The following RBP7 variants were observed in gnomAD, a reference collection of about 807,000 sequenced individuals.
RBP7 encodes retinol binding protein 7, also known as retinoid-binding protein 7.
Under a neutral mutation model 16.7 loss-of-function variants are expected in RBP7, and 13 were observed. The observed-to-expected ratio is 0.78, with a 90% confidence interval of 0.51 to 1.24. The LOEUF (loss-of-function observed/expected upper bound fraction) is 1.24, where lower values mean the gene tolerates loss of function less well. Among genes scored for constraint, RBP7 ranks in the 50% most tolerant of loss-of-function variants. The pLI is 0.00. For synonymous variants in RBP7, 54 were observed against 56.2 expected (o/e 0.96, Z 0.17); for missense variants, 145 against 159.5 (o/e 0.91, Z 0.49).
intron 3 of RBP7, among the ~76,000 whole-genome samples, chr1:10,010,150 C>A (rs1208299647): frequency 6.6e-6 from 1 of 151,986 alleles, no homozygotes; most frequent in Non-Finnish European, 1.5e-5. Flanking sequence ...GAGTCTTGCT[C>A]TGTTGCCCAG....
At chr1:10,002,338 C>T (rs1642300801) in intron 1 of RBP7, among the ~76,000 whole-genome samples, 1 of 151,682 alleles carries the variant, frequency 6.6e-6, no homozygotes. Flanking sequence ...ACTCGAATGT[C>T]TTATTTTCTA....
chr1:10,010,101 A>G (rs929857934), intron 3 of RBP7, among the ~76,000 whole-genome samples: 2 of 151,824 alleles, frequency 1.3e-5, no homozygotes, highest in South Asian at 2.1e-4. Context: ...GACAACTATT[A>G]TTTTACAGCC....
intron 1 of RBP7, among the ~76,000 whole-genome samples, chr1:10,000,483 CA>C (rs1347165588): frequency 6.6e-6 from 1 of 151,124 alleles, no homozygotes; most frequent in African/African-American, 2.4e-5. Flanking sequence ...GCAGTGAGCC[CA>C]GATCACGACA....
intron 3 of RBP7, 68 bp from the exon 4 acceptor site, chr1:10,015,714 A>C: frequency 7.8e-7 from 1 of 1,284,242 alleles, no homozygotes; most frequent in Non-Finnish European, 1.1e-6. Context: ...ATAAAAAATA[A>C]GTGTTGAGAG....
chr1:10,008,146 C>G, intron 2 of RBP7, 27 bp from the exon 3 acceptor site: 3 of 1,441,534 alleles, frequency 2.1e-6, no homozygotes, highest in Non-Finnish European at 2.9e-6. Flanking sequence ...CCAGGACAAG[C>G]TAACATTTTC....
At chr1:10,003,465 C>A (rs889647133) in intron 1 of RBP7, among the ~76,000 whole-genome samples, 1 of 152,060 alleles carries the variant, frequency 6.6e-6, no homozygotes, top group Non-Finnish European at 1.5e-5. Flanking sequence ...AACAAAAAAA[C>A]CACCCCTTAC....
At chr1:10,013,198 A>T (rs1642674778) in intron 3 of RBP7, among the ~76,000 whole-genome samples, 1 of 150,394 alleles carries the variant, frequency 6.6e-6, no homozygotes, top group Non-Finnish European at 1.5e-5. Flanking sequence ...TCAGCCTCCC[A>T]AGTAGCTGGG....
intron 3 of RBP7, among the ~76,000 whole-genome samples, chr1:10,015,425 G>T (rs1048799856): frequency 2.7e-5 from 4 of 149,864 alleles, no homozygotes; most frequent in Non-Finnish European, 4.4e-5. Context: ...CTCCAGCCTG[G>T]GCTACAGAGT....
chr1:10,012,827 G>A (rs1199026006), intron 3 of RBP7, among the ~76,000 whole-genome samples: 12 of 149,560 alleles, frequency 8.0e-5, no homozygotes, highest in Non-Finnish European at 1.3e-4. Flanking sequence ...CCAGCTACTC[G>A]GGAGGCTGAG....
Position 10,013,758 on chromosome 1 carries a change from C to T in RBP7, c.355-2024C>T, listed in dbSNP as rs374664794. ...CCAGGAGGTGGAGGTTGCAGTGAGC[C>T]GAGATCGCGCCATTGCACTCCAGCC... On this transcript the variant is annotated intron_variant, in intron 3 of 3. Transcript: ENST00000294435. 3.4e-4 allele frequency among the ~76,000 whole-genome samples: 52 copies of T among 151,898 alleles called. 1 individual carries two copies. Among genetic ancestry groups the T allele is most frequent in the Middle Eastern group, 3.4e-3 (1 of 294 alleles).
chr1:10,010,678 G>A (rs1229992030), intron 3 of RBP7, among the ~76,000 whole-genome samples: 4 of 150,180 alleles, frequency 2.7e-5, no homozygotes, highest in African/African-American at 7.4e-5. Context: ...TCCACCTCCC[G>A]GGTTCAACGA....
At chr1:10,012,381 C>T in intron 3 of RBP7, among the ~76,000 whole-genome samples, 1 of 138,402 alleles carries the variant, frequency 7.2e-6, no homozygotes, top group South Asian at 2.2e-4. Flanking sequence ...ACTCTGTCTC[C>T]AAAAAAAAAA....
intron 3 of RBP7, among the ~76,000 whole-genome samples, chr1:10,012,723 C>A (rs1163748462): frequency 6.6e-6 from 1 of 151,718 alleles, no homozygotes; most frequent in Non-Finnish European, 1.5e-5. Context: ...CACCTGAGGT[C>A]AGGAGTTCGA....
chr1:9,999,999 G>A (rs777557816), intron 1 of RBP7, among the ~76,000 whole-genome samples: 10 of 151,942 alleles, frequency 6.6e-5, no homozygotes, highest in Non-Finnish European at 8.8e-5. Flanking sequence ...GGATGCTGAG[G>A]CAGGTGGATC....
chr1:10,015,701 A>G, intron 3 of RBP7, 81 bp from the exon 4 acceptor site: 1 of 1,227,264 alleles, frequency 8.1e-7, no homozygotes, highest in South Asian at 1.2e-5. Context: ...GGGTTAAAAC[A>G]CAATAAAAAA....
chr1:10,007,051 A>G (rs1570732554), intron 1 of RBP7: 1 of 375,540 alleles, frequency 2.7e-6, no homozygotes, highest in Non-Finnish European at 5.2e-6. Flanking sequence ...GGTTCAAGCA[A>G]TTCTCCTACT....
At chr1:10,012,543 G>C (rs1642654231) in intron 3 of RBP7, among the ~76,000 whole-genome samples, 1 of 151,788 alleles carries the variant, frequency 6.6e-6, no homozygotes, top group Non-Finnish European at 1.5e-5. Flanking sequence ...TGTAGTTCCA[G>C]TTACTGGATA....
At chr1:10,008,367 T>A in intron 3 of RBP7, 93 bp downstream of exon 3, 1 of 763,702 alleles carries the variant, frequency 1.3e-6, no homozygotes, top group Non-Finnish European at 2.2e-6. Context: ...TCCCAGCATT[T>A]TAGGAGGCCG....
intron 3 of RBP7, among the ~76,000 whole-genome samples, chr1:10,015,566 AG>A (rs1642751916): frequency 6.6e-6 from 1 of 151,826 alleles, no homozygotes; most frequent in South Asian, 2.1e-4. Flanking sequence ...TTGGGGGCTG[AG>A]GTGGGAGGAT....
Sources: allele counts gnomAD v4.1 joint callset (sites outside exome capture counted in the v4.1 genomes callset), GRCh38; gene constraint gnomAD v4.1.1; transcripts MANE v1.5; gene names NCBI Gene and HGNC (gene_info 2026-07-23, HGNC 2026-07-21).